FARS2: variants seen among roughly 807,000 people sequenced by gnomAD.
FARS2 encodes phenylalanine--tRNA ligase, mitochondrial.
FARS2 carries 40 observed loss-of-function variants against 46.4 expected under a neutral mutation model. The ratio of observed to expected loss-of-function variants is 0.86; its 90% CI spans 0.67 to 1.12. The LOEUF (loss-of-function observed/expected upper bound fraction) is 1.12. Ranked by LOEUF, FARS2 falls within the 50% of genes most tolerant of loss-of-function variation. The pLI is 0.00. For missense variants in FARS2, 513 were observed against 567.9 expected (o/e 0.90, Z 0.98); for synonymous variants, 234 against 214.9 (o/e 1.09, Z -0.78).
Position 5,381,017 on chromosome 6 carries a change from A to ATTTATTTATTT in FARS2, c.612+11836_612+11837insTTATTTATTTT, listed in dbSNP as rs1561998609. On this transcript the variant is annotated intron_variant, in intron 2 of 6. Transcript: ENST00000274680. ...TTATTTATTTATTTATTTATTTATT[A>ATTTATTTATTT]TGAGACAGAGTCTCGCTCTGTCGCC... 6.6e-3 allele frequency among the ~76,000 whole-genome samples: 597 copies of ATTTATTTATTT among 90,952 alleles called. 10 individuals carry two copies. The highest frequency in any genetic ancestry group is 0.014 in the African/African-American group (490 of 34,216). 59.7% of individuals were successfully genotyped at this position (90,952 alleles called of 152,430 possible).
chr6:5,348,071 T>G (rs1299914501), intron 1 of FARS2, among the ~76,000 whole-genome samples: 1 of 152,212 alleles, frequency 6.6e-6, no homozygotes, highest in African/African-American at 2.4e-5. Flanking sequence ...ATTCTTCATA[T>G]ATCCAGCTGT....
upstream of FARS2, chr6:5,260,739 A>G (rs1259887783): frequency 6.5e-7 from 1 of 1,545,092 alleles, no homozygotes; most frequent in Admixed American, 2.0e-5. Flanking sequence ...GCCATTTTGG[A>G]AAGAAAAAAA....
chr6:5,309,660 T>C (rs563463686), intron 1 of FARS2, among the ~76,000 whole-genome samples: 3 of 152,296 alleles, frequency 2.0e-5, no homozygotes, highest in East Asian at 1.9e-4. Flanking sequence ...GTGGAAGATA[T>C]GTATGATGAA....
rs749929422 is a variant in FARS2 at position 5,368,990 on chromosome 6, G to A, written c.420G>A (p.Lys140=). ...LIPADHPSRK[K]GDNYYLNRTH... is the part of the protein sequence containing the mutation. ...CAGCTGATCACCCCAGCAGGAAGAA[G>A]GGGGACAACTATTACCTGAATCGGA... is the stretch of plus-strand genomic sequence containing the variant. Residue 140 remains lysine (K), a synonymous_variant, in exon 2 of 7, where the codon AAG becomes AAA. Transcript: ENST00000274680. 1 of 1,614,184 alleles carries A rather than the reference G, an allele frequency of 6.2e-7. No individual in the cohort carries two copies. The highest frequency in any genetic ancestry group is 1.1e-5 in the South Asian group (1 of 91,086).
intron 4 of FARS2, among the ~76,000 whole-genome samples, chr6:5,528,211 A>G (rs886706767): frequency 1.3e-5 from 2 of 152,082 alleles, no homozygotes; most frequent in African/African-American, 4.8e-5. Context: ...TTAAAAAAAA[A>G]AGAGATGGAG....
chr6:5,345,839 G>A (rs1462255102), intron 1 of FARS2, among the ~76,000 whole-genome samples: 1 of 152,286 alleles, frequency 6.6e-6, no homozygotes, highest in African/African-American at 2.4e-5. Context: ...TCAGAAAATA[G>A]GCCTATAATC....
intron 5 of FARS2, among the ~76,000 whole-genome samples, chr6:5,605,362 A>G (rs900864748): frequency 3.3e-5 from 5 of 152,180 alleles, no homozygotes; most frequent in Admixed American, 3.3e-4. Flanking sequence ...TCTAGAAGGG[A>G]GGCCCGAATC....
intron 4 of FARS2, among the ~76,000 whole-genome samples, chr6:5,521,597 CG>C (rs1769140545): frequency 6.6e-6 from 1 of 152,148 alleles, no homozygotes; most frequent in African/African-American, 2.4e-5. Context: ...ATTATAAAGC[CG>C]GGAAAGCTCT....
chr6:5,752,098 A>G lies in FARS2; in HGVS notation c.1218-19193A>G, dbSNP rs1236597632. The stretch of plus-strand genomic sequence containing the variant: ...GGAAAGTAAGTGATTTATACGAAAC[A>G]CTCAAGCTTCCTCCCTACCCTCCTC... On this transcript the variant is annotated intron_variant, in intron 6 of 6. Transcript: ENST00000274680. 2.6e-5 allele frequency among the ~76,000 whole-genome samples: 4 copies of G among 152,090 alleles called. No individual in the cohort carries two copies. In the South Asian group the frequency reaches 8.3e-4, roughly 32 times the overall value.
intron 5 of FARS2, among the ~76,000 whole-genome samples, chr6:5,553,968 T>G (rs769120590): frequency 4.3e-4 from 66 of 152,222 alleles, no homozygotes; most frequent in Non-Finnish European, 6.9e-4. Context: ...GAAACTCACT[T>G]CCTTCTCTGT....
chr6:5,328,683 T>C (rs1357506540), intron 1 of FARS2, among the ~76,000 whole-genome samples: 1 of 152,112 alleles, frequency 6.6e-6, no homozygotes, highest in East Asian at 1.9e-4. Context: ...CGGTGACTCC[T>C]ACCTTAACCC....
intron 4 of FARS2, among the ~76,000 whole-genome samples, chr6:5,544,960 C>T (rs531358720): frequency 6.6e-6 from 1 of 152,244 alleles, no homozygotes; most frequent in South Asian, 2.1e-4. Flanking sequence ...GTACTCCAGA[C>T]AGTATGACTT....
intron 3 of FARS2, among the ~76,000 whole-genome samples, chr6:5,410,592 C>A (rs1414243070): frequency 1.3e-5 from 2 of 152,020 alleles, no homozygotes; most frequent in Non-Finnish European, 2.9e-5. Flanking sequence ...TATCTAGGTG[C>A]CATCAACCTG....
chr6:5,492,083 G>A (rs1264586581), intron 4 of FARS2, among the ~76,000 whole-genome samples: 1 of 152,114 alleles, frequency 6.6e-6, no homozygotes, highest in East Asian at 1.9e-4. Context: ...CATTTTCTAT[G>A]AAACGGTATG....
intron 1 of FARS2, among the ~76,000 whole-genome samples, chr6:5,273,546 A>T (rs986675760): frequency 2.6e-5 from 4 of 151,776 alleles, no homozygotes; most frequent in Non-Finnish European, 5.9e-5. Flanking sequence ...TGTGCTCATT[A>T]TATATTCTGG....
rs112000355 is a variant in FARS2, at chr6:5,457,136, G to T, written c.904+25964G>T. On this transcript the variant is annotated intron_variant, in intron 4 of 6. Transcript: ENST00000274680. ...ACGTCAGTGGGCAAGCTGGCAGCCC[G>T]GTGTCTCCAGCACATGGGGTGCACC... 5.8e-3 allele frequency: 889 copies of T among 152,430 alleles called. 11 individuals carry two copies. Among genetic ancestry groups the T allele is most frequent in the Non-Finnish European group, 9.5e-3 (647 of 68,116 alleles). The allele number at this position is 152,430 out of a possible 1,614,324, so 9.4% of individuals were successfully genotyped here.
chr6:5,488,357 C>T (rs527435733), intron 4 of FARS2, among the ~76,000 whole-genome samples: 2 of 152,274 alleles, frequency 1.3e-5, no homozygotes, highest in East Asian at 3.9e-4. Context: ...ACTCAGGCTT[C>T]CACCAGTTCT....
At chr6:5,357,667 A>G (rs1758025293) in intron 1 of FARS2, among the ~76,000 whole-genome samples, 1 of 152,240 alleles carries the variant, frequency 6.6e-6, no homozygotes, top group South Asian at 2.1e-4. Context: ...CTAGGACTAC[A>G]TCTATTGAAA....
intron 6 of FARS2, among the ~76,000 whole-genome samples, chr6:5,742,594 A>G (rs567775216): frequency 6.6e-6 from 1 of 151,710 alleles, no homozygotes; most frequent in Admixed American, 6.6e-5. Context: ...TATCTGGCAG[A>G]GTTTTTCATT....
Sources: allele counts gnomAD v4.1 joint callset (sites outside exome capture counted in the v4.1 genomes callset), GRCh38; gene constraint gnomAD v4.1.1; transcripts MANE v1.5; gene names NCBI Gene and HGNC (gene_info 2026-07-23, HGNC 2026-07-21).